The following KANK1 variants were observed in gnomAD, a reference collection of about 807,000 sequenced individuals.
KANK1 encodes the protein KN motif and ankyrin repeat domain-containing protein 1.
Under a neutral mutation model 106.2 loss-of-function variants are expected in KANK1, and 109 were observed. The observed-to-expected ratio is 1.03, with a 90% CI of 0.88 to 1.20. The LOEUF is 1.20. Ranked by LOEUF, KANK1 falls within the 50% of genes most tolerant of loss-of-function variation. KANK1 has a pLI of 0.00. For missense variants in KANK1, 2,399 were observed against 1,710.7 expected (o/e 1.40, Z -7.10); for synonymous variants, 873 against 652.2 (o/e 1.34, Z -5.16).
chr9:626,439 C>CA (rs1452067744), intron 1 of KANK1, among the ~76,000 whole-genome samples: 4 of 151,280 alleles, frequency 2.6e-5, no homozygotes, highest in East Asian at 3.9e-4. Flanking sequence ...AAAAAGGAAA[C>CA]AAAAAAAAGC....
At chr9:524,368 T>C (rs2059687037) in intron 1 of KANK1, among the ~76,000 whole-genome samples, 1 of 111,532 alleles carries the variant, frequency 9.0e-6, no homozygotes, top group Non-Finnish European at 1.7e-5. Context: ...CTTTTTGGAG[T>C]GTATGTGTAT....
intron 1 of KANK1, among the ~76,000 whole-genome samples, chr9:506,226 G>A (rs2058750228): frequency 6.6e-6 from 1 of 152,136 alleles, no homozygotes; most frequent in Non-Finnish European, 1.5e-5. Context: ...TTCTAAGATA[G>A]AGACTGAGTG....
chr9:483,844 A>G (rs1481289709), intron 3 of KANK1, among the ~76,000 whole-genome samples: 1 of 152,194 alleles, frequency 6.6e-6, no homozygotes, highest in East Asian at 1.9e-4. Flanking sequence ...TCAGAGCTAG[A>G]CAGCTGACAT....
At chr9:705,532 C>T (rs187626934) in intron 2 of KANK1, among the ~76,000 whole-genome samples, 3 of 151,830 alleles carry the variant, frequency 2.0e-5, no homozygotes, top group East Asian at 3.9e-4. Context: ...TCCTTTCTTC[C>T]CAGCATGTTG....
At chr9:482,099 C>T (rs1199739917) in intron 3 of KANK1, among the ~76,000 whole-genome samples, 1 of 152,170 alleles carries the variant, frequency 6.6e-6, no homozygotes, top group Non-Finnish European at 1.5e-5. Context: ...GTCACAGTTC[C>T]CACAGCTGGG....
Position 608,028 on chromosome 9 carries a change from A to ATTTTTTTTT in KANK1, c.-83-68860_-83-68859insTTTTTTTTT, listed in dbSNP as rs1326986665. Among the ~76,000 whole-genome samples, 18 of 84,368 alleles carry ATTTTTTTTT rather than the reference A, an allele frequency of 2.1e-4. 1 individual carries two copies. Among genetic ancestry groups the ATTTTTTTTT allele is most frequent in the African/African-American group, 7.0e-4 (15 of 21,484 alleles). 55.3% of individuals were successfully genotyped at this position (84,368 alleles called of 152,430 possible). On this transcript the variant is annotated intron_variant, in intron 1 of 11. Transcript: ENST00000382297. ...AACTTTCAGAATTATTATTATTATT[A>ATTTTTTTTT]TTATTATTTTTTTTTTTTTTGAGAC...
At position 742,272 on chromosome 9, in the gene KANK1, C is replaced by T. The variant is rs187246624; in HGVS notation, c.3764C>T (p.Ala1255Val). 3.7e-6 allele frequency: 6 copies of T among 1,614,070 alleles called. No individual in the cohort carries two copies. Among genetic ancestry groups the T allele is most frequent in the Non-Finnish European group, 5.1e-6 (6 of 1,180,034 alleles). The change falls in exon 10 of 12, where the codon GCC becomes GTC. Residue 1255 changes from alanine (A) to valine (V), a missense_variant. Coordinates refer to ENST00000382297, the MANE Select transcript of KANK1 (RefSeq NM_015158.5). ...ATAGACATGGTGAAGGGCCTTCTGGCCTGTGGGGCTGATGTCAACATCCAG... is the reference window on the plus strand; with the variant it reads ...ATAGACATGGTGAAGGGCCTTCTGGTCTGTGGGGCTGATGTCAACATCCAG... Reference protein sequence around the residue: ...GRIDMVKGLLACGADVNIQDD... With the variant: ...GRIDMVKGLLVCGADVNIQDD...
At chr9:696,076 A>C (rs1821199661) in intron 2 of KANK1, among the ~76,000 whole-genome samples, 1 of 152,140 alleles carries the variant, frequency 6.6e-6, no homozygotes, top group Non-Finnish European at 1.5e-5. Context: ...CGAGGCCAGG[A>C]GATCGAGACC....
rs1826120864 is a variant in KANK1, at chr9:711,613, A to G, written c.847A>G (p.Thr283Ala). Reference protein sequence around the residue: ...RLKELEEQVRTIPVLQVKISV... With the variant: ...RLKELEEQVRAIPVLQVKISV... ...GAAGGAGCTGGAGGAGCAGGTGCGA[A>G]CCATCCCTGTGCTCCAGGTAAAGAT... The change falls in exon 3 of 12, where the codon ACC (threonine) becomes GCC (alanine). Residue 283 changes from threonine (T) to alanine (A), a missense_variant. Thr to Ala is a moderately conservative substitution (Grantham distance 58). Coordinates refer to ENST00000382297, the MANE Select transcript of KANK1 (RefSeq NM_015158.5). 1.2e-6 allele frequency: 2 copies of G among 1,613,980 alleles called. No individual in the cohort carries two copies. Among genetic ancestry groups the G allele is most frequent in the Non-Finnish European group, 1.7e-6 (2 of 1,180,002 alleles).
chr9:569,766 T>A (rs905658809), intron 1 of KANK1, among the ~76,000 whole-genome samples: 15 of 152,186 alleles, frequency 9.9e-5, no homozygotes, highest in African/African-American at 3.6e-4. Context: ...ACTTCTATTT[T>A]TTCTATTAAT....
chr9:649,418 AG>A (rs2137494786), intron 1 of KANK1, among the ~76,000 whole-genome samples: 1 of 152,338 alleles, frequency 6.6e-6, no homozygotes, highest in East Asian at 1.9e-4. Context: ...ATGAAGAGCC[AG>A]CAAATTAGTG....
chr9:473,121 G>A (rs2132040686), intron 2 of KANK1: 1 of 152,284 alleles, frequency 6.6e-6, no homozygotes, highest in African/African-American at 2.4e-5. Flanking sequence ...CCATATTCCA[G>A]GCCCTGTGTT....
In KANK1 at chr9:617,292, A is replaced by G. The variant is rs536757423; in HGVS notation, c.-83-59598A>G. ...TCGTTGCCTTCCTTGTTTAACATTT[A>G]TTTTTCAAAACCAGACATGTCTTTT... On this transcript the variant is annotated intron_variant, in intron 1 of 11. Coordinates refer to ENST00000382297, the MANE Select transcript of KANK1 (RefSeq NM_015158.5). Among the ~76,000 whole-genome samples the G allele has an allele frequency of 3.0e-4, 45 of 152,114 alleles. 2 individuals carry two copies. The highest frequency in any genetic ancestry group is 1.0e-3 in the African/African-American group (43 of 41,496).
intron 1 of KANK1, among the ~76,000 whole-genome samples, chr9:557,321 TA>T (rs1337666805): frequency 6.6e-6 from 1 of 152,144 alleles, no homozygotes; most frequent in Non-Finnish European, 1.5e-5. Flanking sequence ...GGGAATATAT[TA>T]AAAAGGCTGG....
intron 1 of KANK1, among the ~76,000 whole-genome samples, chr9:593,668 G>A (rs1311892623): frequency 6.6e-6 from 1 of 151,736 alleles, no homozygotes; most frequent in Non-Finnish European, 1.5e-5. Flanking sequence ...TCTTACAGAG[G>A]ACCAGGGCTT....
chr9:521,760 G>A (rs900875838), intron 1 of KANK1, among the ~76,000 whole-genome samples: 1 of 151,180 alleles, frequency 6.6e-6, no homozygotes, highest in Non-Finnish European at 1.5e-5. Flanking sequence ...TAGAGATGGG[G>A]TTTCACCATG....
At position 744,564 on chromosome 9, in the gene KANK1, T is replaced by G. The variant is rs1289544487; in HGVS notation, c.3971T>G (p.Val1324Gly). The G allele has an allele frequency of 6.2e-7, 1 of 1,614,170 alleles. No individual in the cohort carries two copies. Among genetic ancestry groups the G allele is most frequent in the South Asian group, 1.1e-5 (1 of 91,074 alleles). Residue 1324 changes from valine to glycine, a missense_variant, in exon 11 of 12, where the codon GTC becomes GGC. By Grantham distance (109) the Val-to-Gly change is moderately radical. Transcript: ENST00000382297. The stretch of plus-strand genomic sequence containing the variant: ...ATCGCTGTTCTTCTGTATGCCCATG[T>G]CAACTTTGCAAAAGCCCAGTCTCCG... ...KDIAVLLYAH[V>G]NFAKAQSPGT...
intron 10 of KANK1, among the ~76,000 whole-genome samples, 168 bp downstream of exon 10, chr9:742,573 G>A (rs1469674278): frequency 1.3e-5 from 2 of 152,166 alleles, no homozygotes; most frequent in Non-Finnish European, 1.5e-5. Flanking sequence ...TACACTTACT[G>A]TGTGTGTGCA....
At chr9:577,323 G>A (rs1028705331) in intron 1 of KANK1, among the ~76,000 whole-genome samples, 1 of 152,052 alleles carries the variant, frequency 6.6e-6, no homozygotes, top group African/African-American at 2.4e-5. Flanking sequence ...GCTGATTGGT[G>A]TGTTATTACA....
Sources: gnomAD v4.1 joint callset for allele counts (sites outside exome capture counted in the v4.1 genomes callset) on GRCh38, gnomAD v4.1.1 for gene constraint, MANE v1.5 for transcripts, NCBI Gene and HGNC (gene_info 2026-07-23, HGNC 2026-07-21) for gene names.